The following ACADL variants were observed in gnomAD, a reference collection of about 807,000 sequenced individuals.
ACADL encodes acyl-CoA dehydrogenase long chain, also known as long-chain specific acyl-CoA dehydrogenase, mitochondrial.
A neutral mutation model predicts 56.9 loss-of-function variants in ACADL; 60 were observed. That is an observed-to-expected ratio of 1.05 (90% CI 0.86 to 1.31). The LOEUF (loss-of-function observed/expected upper bound fraction) is 1.31. ACADL is among the 50% of genes most tolerant of loss of function. The probability of loss-of-function intolerance (pLI) is 0.00; values close to 1 mark genes in which losing one functional copy is unlikely to be tolerated. For synonymous variants in ACADL, 158 were observed against 179.7 expected, an observed-to-expected ratio of 0.88 and a Z score of 0.97; for missense variants, 484 against 525.5, an observed-to-expected ratio of 0.92 and a Z score of 0.77.
At chr2:210,213,714 G>A (rs1689027436) in intron 4 of ACADL, among the ~76,000 whole-genome samples, 1 of 152,140 alleles carries the variant, frequency 6.6e-6, no homozygotes, top group Non-Finnish European at 1.5e-5. Context: ...TTGAAGCTCA[G>A]AGATTTTTAC....
intron 1 of ACADL, among the ~76,000 whole-genome samples, chr2:210,223,136 A>G (rs931962798): frequency 1.3e-5 from 2 of 152,218 alleles, no homozygotes; most frequent in Non-Finnish European, 2.9e-5. Context: ...AAGACATAGG[A>G]AAGCAAAAGA....
intron 1 of ACADL, among the ~76,000 whole-genome samples, chr2:210,221,141 A>G (rs1278754385): frequency 6.6e-6 from 1 of 152,204 alleles, no homozygotes; most frequent in Non-Finnish European, 1.5e-5. Context: ...GTAAAATTCA[A>G]ATAGTACGGT....
At position 210,203,313 on chromosome 2, in the gene ACADL, C is replaced by T. The variant is rs1213186168; in HGVS notation, c.984+18G>A. The T allele has an allele frequency of 6.4e-7, 1 of 1,558,520 alleles. No homozygotes were observed. The highest frequency in any genetic ancestry group is 8.8e-7 in the Non-Finnish European group (1 of 1,130,310). Reference sequence around the variant, plus strand: ...TAAACTGATACCATCTAATACTAAACCACAGTGACAAGCTTACCTGTAGGT... The same window carrying T: ...TAAACTGATACCATCTAATACTAAATCACAGTGACAAGCTTACCTGTAGGT... On this transcript the variant is annotated intron_variant, in intron 8 of 10. Coordinates refer to ENST00000233710, the MANE Select transcript of ACADL (RefSeq NM_001608.4).
chr2:210,214,051 A>C lies in ACADL; in HGVS notation c.536+2296T>G, dbSNP rs1343934460. Among the ~76,000 whole-genome samples, 53 of 152,264 alleles carry C rather than the reference A, an allele frequency of 3.5e-4. 1 individual carries two copies. Among genetic ancestry groups the C allele is most frequent in the Non-Finnish European group, 8.8e-5 (6 of 68,016 alleles). The stretch of plus-strand genomic sequence containing the variant: ...AAAATAATAAAATAAACATGAAAGC[A>C]TTTATAAAATGCTAAAGTAATACAA... On this transcript the variant is annotated intron_variant, in intron 4 of 10. Coordinates refer to ENST00000233710, the MANE Select transcript of ACADL (RefSeq NM_001608.4).
chr2:210,211,045 TAAATA>T (rs1337505980), intron 4 of ACADL, among the ~76,000 whole-genome samples: 1 of 152,120 alleles, frequency 6.6e-6, no homozygotes, highest in African/African-American at 2.4e-5. Flanking sequence ...CAAATATTAG[TAAATA>T]AAATATTAAG....
intron 10 of ACADL, among the ~76,000 whole-genome samples, chr2:210,191,280 C>A (rs1688629214): frequency 6.6e-6 from 1 of 152,074 alleles, no homozygotes; most frequent in South Asian, 2.1e-4. Flanking sequence ...AAAATTGATA[C>A]AATCTTTGAA....
intron 6 of ACADL, 51 bp downstream of exon 6, chr2:210,205,580 GA>G (rs1688871910): frequency 6.4e-7 from 1 of 1,573,338 alleles, no homozygotes; most frequent in African/African-American, 1.3e-5. Context: ...TCTCCTATCT[GA>G]TTAACAGTAA....
chr2:210,200,705 CT>C (rs745516002), intron 8 of ACADL, among the ~76,000 whole-genome samples: 1 of 152,018 alleles, frequency 6.6e-6, no homozygotes, highest in Non-Finnish European at 1.5e-5. Flanking sequence ...GATGTAAAGA[CT>C]TTTTTTCAGG....
Position 210,225,375 on chromosome 2 carries a change from T to C in ACADL, c.-112A>G, listed in dbSNP as rs915832944. On this transcript the variant is annotated 5_prime_UTR_variant, in exon 1 of 11. Transcript: ENST00000233710. ...TCAGCTGAGGCGTCCACCTGTGGTG[T>C]CCTCCCAAAAAAGCGCTCGCGCGCG... The C allele has an allele frequency of 3.0e-5, 38 of 1,282,926 alleles. No individual in the cohort carries two copies. The African/African-American group carries it at 4.2e-4, about 14-fold the overall frequency. 79.5% of individuals were successfully genotyped at this position (1,282,926 alleles called of 1,614,324 possible).
intron 5 of ACADL, chr2:210,209,884 A>G (rs925643164): frequency 1.5e-4 from 39 of 262,908 alleles, no homozygotes; most frequent in Admixed American, 4.5e-4. Context: ...AAGTTTAAGT[A>G]TTATTAATAT....
At chr2:210,197,439 G>A (rs1447545189) in intron 8 of ACADL, among the ~76,000 whole-genome samples, 1 of 151,736 alleles carries the variant, frequency 6.6e-6, no homozygotes, top group South Asian at 2.1e-4. Flanking sequence ...TCAGCACAAA[G>A]TTTCCCACTC....
chr2:210,224,277 C>A, intron 1 of ACADL: 2 of 294,532 alleles, frequency 6.8e-6, no homozygotes, highest in Non-Finnish European at 1.0e-5. Context: ...TATAATGTTC[C>A]AAGGAAGAGT....
chr2:210,214,487 G>GAAAGAAAGAA (rs1553690999), intron 4 of ACADL, among the ~76,000 whole-genome samples: 1 of 149,340 alleles, frequency 6.7e-6, no homozygotes, highest in Non-Finnish European at 1.5e-5. Context: ...AAGAAAGAAA[G>GAAAGAAAGAA]AAAGAAAGAA....
chr2:210,190,058 G>A (rs1688607631), intron 10 of ACADL, among the ~76,000 whole-genome samples: 1 of 151,792 alleles, frequency 6.6e-6, no homozygotes, highest in African/African-American at 2.4e-5. Context: ...TATAATCTTG[G>A]TGTTTTGTTT....
intron 9 of ACADL, among the ~76,000 whole-genome samples, 170 bp from the exon 10 acceptor site, chr2:210,193,060 A>T (rs1387497145): frequency 6.6e-6 from 1 of 152,224 alleles, no homozygotes; most frequent in Non-Finnish European, 1.5e-5. Context: ...TATGAAATAT[A>T]TTTCAAGAGA....
At chr2:210,208,782 T>C (rs929984639) in intron 5 of ACADL, among the ~76,000 whole-genome samples, 2 of 152,242 alleles carry the variant, frequency 1.3e-5, no homozygotes, top group African/African-American at 2.4e-5. Flanking sequence ...TTAAAAACTT[T>C]GTGTTGCTAG....
intron 9 of ACADL, 124 bp from the exon 10 acceptor site, chr2:210,193,014 C>A: frequency 1.4e-6 from 1 of 721,090 alleles, no homozygotes; most frequent in Non-Finnish European, 2.4e-6. Context: ...GCAATTAGAA[C>A]GGCATATTAG....
intron 4 of ACADL, among the ~76,000 whole-genome samples, chr2:210,213,876 G>T (rs1689029608): frequency 6.6e-6 from 1 of 151,818 alleles, no homozygotes; most frequent in Non-Finnish European, 1.5e-5. Context: ...TATTATAATA[G>T]CCATATAATA....
chr2:210,203,492 G>A (rs1329437548), intron 7 of ACADL, 48 bp from the exon 8 acceptor site: 9 of 1,161,582 alleles, frequency 7.7e-6, no homozygotes, highest in East Asian at 2.4e-5. Context: ...TTATGCAAGT[G>A]ATTTTCACAC....
Sources: allele counts gnomAD v4.1 joint callset (sites outside exome capture counted in the v4.1 genomes callset), GRCh38; gene constraint gnomAD v4.1.1; transcripts MANE v1.5; gene names NCBI Gene and HGNC (gene_info 2026-07-23, HGNC 2026-07-21).